KCNH6: variants seen among roughly 807,000 people sequenced by gnomAD.
KCNH6 encodes potassium voltage-gated channel subfamily H member 6.
KCNH6 carries 81 observed loss-of-function variants against 83.4 expected under a neutral mutation model. The observed-to-expected ratio is 0.97, with a 90% confidence interval of 0.81 to 1.17. The LOEUF (loss-of-function observed/expected upper bound fraction) is 1.17, where lower values mean the gene tolerates loss of function less well. Among genes scored for constraint, KCNH6 ranks in the 50% most tolerant of loss-of-function variants. The probability of loss-of-function intolerance (pLI) is 0.00; values close to 1 mark genes in which losing one functional copy is unlikely to be tolerated. For missense variants in KCNH6, 1,203 were observed against 1,290.5 expected, an observed-to-expected ratio of 0.93 and a Z score of 1.04; for synonymous variants, 503 against 545.6, an observed-to-expected ratio of 0.92 and a Z score of 1.09.
Position 63,534,043 on chromosome 17 carries a change from C to T in KCNH6, c.833C>T (p.Ala278Val), listed in dbSNP as rs1474241122. Residue 278 changes from alanine (A) to valine (V), a missense_variant, in exon 5 of 13, where the codon GCC (alanine) becomes GTC (valine). Transcript: ENST00000314672. The surrounding 1 kb of genome is among the most constrained non-coding windows in gnomAD (Gnocchi z 5.0). ...ACGGCTGTCTTCACGCCCTACTCAG[C>T]CGCCTTCCTGCTCAGCGATCAGGAC... ...IYTAVFTPYS[A>V]AFLLSDQDES... 1 of 1,614,192 alleles carries T rather than the reference C, an allele frequency of 6.2e-7. No homozygotes were observed. The highest frequency in any genetic ancestry group is 2.2e-5 in the East Asian group (1 of 44,886).
Position 63,538,494 on chromosome 17 carries a change from A to G in KCNH6, c.1786A>G (p.Ser596Gly). The change falls in exon 8 of 13, where the codon AGC (serine) becomes GGC (glycine). Residue 596 changes from serine (S) to glycine (G), a missense_variant. Transcript: ENST00000314672. The surrounding 1 kb of genome is among the most constrained non-coding windows in gnomAD (Gnocchi z 4.0). ...ACTGCTGCAGCACTGCCCAGCTTTCAGCGGCGCCGGCAAGGGCTGCCTGCG... is the reference window on the plus strand; with the variant it reads ...ACTGCTGCAGCACTGCCCAGCTTTCGGCGGCGCCGGCAAGGGCTGCCTGCG... Reference protein sequence around the residue: ...RALLQHCPAFSGAGKGCLRAL... With the variant: ...RALLQHCPAFGGAGKGCLRAL... 6.2e-7 allele frequency: 1 copy of G among 1,603,092 alleles called. No homozygotes were observed. The highest frequency in any genetic ancestry group is 8.5e-7 in the Non-Finnish European group (1 of 1,175,454).
chr17:63,537,022 C>A (rs2147692160), intron 6 of KCNH6, among the ~76,000 whole-genome samples: 1 of 150,068 alleles, frequency 6.7e-6, no homozygotes, highest in South Asian at 2.1e-4. Context: ...AAATGCAGGG[C>A]TCTTAGCATG....
At position 63,545,990 on chromosome 17, in the gene KCNH6, G is replaced by A. The variant is rs141118688; in HGVS notation, c.*88G>A. 53,587 of 1,283,396 alleles carry A rather than the reference G, an allele frequency of 0.042. 1,379 individuals carry two copies. The highest frequency in any genetic ancestry group is 0.05 in the Non-Finnish European group (46,043 of 917,716). The allele number at this position is 1,283,396 out of a possible 1,614,324, so 79.5% of individuals were successfully genotyped here. ...GGGAGGTGGCCGGGTGCAGTGGCTC[G>A]CCTGTAATCCCAGCACTTTGGGAGG... On this transcript the variant is annotated 3_prime_UTR_variant, in exon 13 of 13. Coordinates refer to ENST00000314672, the MANE Select transcript of KCNH6 (RefSeq NM_001278919.2).
Position 63,534,595 on chromosome 17 carries a change from C to G in KCNH6, c.1101+284C>G, listed in dbSNP as rs1431813890. 6.6e-6 allele frequency among the ~76,000 whole-genome samples: 1 copy of G among 152,008 alleles called. No homozygotes were observed. The highest frequency in any genetic ancestry group is 1.5e-5 in the Non-Finnish European group (1 of 67,976). ...TCCAGGATGGGCACTCGTGTGGTCC[C>G]GGCCCCTCATGCTGACTTCCAAACT... On this transcript the variant is annotated intron_variant, in intron 5 of 12. Transcript: ENST00000314672. This position sits in a 1 kb window ranked among gnomAD's most constrained non-coding sequence, Gnocchi z 5.0.
chr17:63,545,578 G>A (rs772728422), intron 12 of KCNH6, 31 bp from the exon 13 acceptor site: 3 of 1,596,032 alleles, frequency 1.9e-6, no homozygotes, highest in Non-Finnish European at 1.7e-6. Flanking sequence ...AGCCTGGCCT[G>A]GGGTGCATCC....
At position 63,543,633 on chromosome 17, in the gene KCNH6, G is replaced by A. The variant is rs150764715; in HGVS notation, c.2206G>A (p.Gly736Ser). 2.1e-5 allele frequency: 34 copies of A among 1,613,022 alleles called. No individual in the cohort carries two copies. In the African/African-American group the frequency reaches 4.3e-4, roughly 20 times the overall value. The change falls in exon 10 of 13, where the codon GGT (glycine) becomes AGT (serine). Residue 736 changes from glycine to serine, a missense_variant. Coordinates refer to ENST00000314672, the MANE Select transcript of KCNH6 (RefSeq NM_001278919.2). ...GGCTCCTGGCAGCCAAGACCACCAA[G>A]GTTTCTTTCTCAGTGACAACCAGTC... ...RQAPGSQDHQ[G>S]FFLSDNQSDA...
At chr17:63,544,487 C>T (rs2033048740) in intron 11 of KCNH6, 76 bp downstream of exon 11, 4 of 1,337,364 alleles carry the variant, frequency 3.0e-6, no homozygotes, top group East Asian at 2.7e-5. Flanking sequence ...TCACAGGGTG[C>T]CAGGTGGGTT....
In KCNH6 at chr17:63,545,982, A is replaced by C; in HGVS notation, c.*80A>C. The C allele has an allele frequency of 4.3e-6, 6 of 1,380,782 alleles. No homozygotes were observed. Among genetic ancestry groups the C allele is most frequent in the Non-Finnish European group, 6.0e-6 (6 of 998,520 alleles). 85.5% of individuals were successfully genotyped at this position (1,380,782 alleles called of 1,614,324 possible). A position where few individuals can be genotyped will look rare whatever the true frequency, so the allele number is the denominator to read the frequency against. On this transcript the variant is annotated 3_prime_UTR_variant, in exon 13 of 13. Transcript: ENST00000314672. Reference sequence around the variant, plus strand: ...GGATCTTGGGGAGGTGGCCGGGTGCAGTGGCTCGCCTGTAATCCCAGCACT... The same window carrying C: ...GGATCTTGGGGAGGTGGCCGGGTGCCGTGGCTCGCCTGTAATCCCAGCACT...
Position 63,524,212 on chromosome 17 carries a change from A to G in KCNH6, c.150A>G (p.Glu50=). ...TTTACTGCAACGACGGCTTCTGCGA[A>G]CTCTTCGGCTACTCCCGAGTGGAGG... ...AIIYCNDGFC[E]LFGYSRVEVM... The change falls in exon 2 of 13, where the codon GAA becomes GAG. Residue 50 remains glutamate, a synonymous_variant. Transcript: ENST00000314672. The G allele has an allele frequency of 6.2e-7, 1 of 1,613,936 alleles. No homozygotes were observed. Among genetic ancestry groups the G allele is most frequent in the Non-Finnish European group, 8.5e-7 (1 of 1,179,968 alleles).
In KCNH6 at chr17:63,542,035, G is replaced by A. The variant is rs191064500; in HGVS notation, c.1955-206G>A. Among the ~76,000 whole-genome samples the A allele has an allele frequency of 1.1e-4, 17 of 152,210 alleles. 1 individual carries two copies. In the East Asian group the frequency reaches 1.2e-3, roughly 10 times the overall value. On this transcript the variant is annotated intron_variant, in intron 8 of 12. Coordinates refer to ENST00000314672, the MANE Select transcript of KCNH6 (RefSeq NM_001278919.2). ...GAGCCACACGCCGGATCTCTGTGCC[G>A]CTCAAAGGACACAGGAAGAGAACAG... is the stretch of plus-strand genomic sequence containing the variant.
Position 63,534,381 on chromosome 17 carries a change from G to T in KCNH6, c.1101+70G>T. On this transcript the variant is annotated intron_variant, in intron 5 of 12. Coordinates refer to ENST00000314672, the MANE Select transcript of KCNH6 (RefSeq NM_001278919.2). The surrounding 1 kb of genome is among the most constrained non-coding windows in gnomAD (Gnocchi z 5.0). ...ACGCTGGCCTCAAGCCCTCCCTGCT[G>T]CACAGCACTGGGTGCGGAGAGTATC... is the stretch of plus-strand genomic sequence containing the variant. 1.4e-6 allele frequency: 2 copies of T among 1,437,556 alleles called. No homozygotes were observed. The highest frequency in any genetic ancestry group is 1.9e-6 in the Non-Finnish European group (2 of 1,051,038). The allele number at this position is 1,437,556 out of a possible 1,614,324, so 89.1% of individuals were successfully genotyped here.
chr17:63,538,460 G>A lies in KCNH6; in HGVS notation c.1752G>A (p.Leu584=), dbSNP rs1425728918. ...ECLQADICLH[L]HRALLQHCPA... ...TGCAGGCTGACATCTGCCTGCACCT[G>A]CACCGCGCACTGCTGCAGCACTGCC... The change falls in exon 8 of 13, where the codon CTG becomes CTA. Residue 584 remains leucine (L), a synonymous_variant. Transcript: ENST00000314672. This position sits in a 1 kb window ranked among gnomAD's most constrained non-coding sequence, Gnocchi z 4.0. 1.2e-6 allele frequency: 2 copies of A among 1,604,298 alleles called. No individual in the cohort carries two copies.
Position 63,530,259 on chromosome 17 carries a change from C to T in KCNH6, c.469+7C>T. ...CAGAGCTTCCTGGGCTCCGGTGAGG[C>T]AGAGTGAGGGTGGTGGTGGGAGGGA... On this transcript the variant is annotated splice_region_variant and intron_variant, in intron 3 of 12. Coordinates refer to ENST00000314672, the MANE Select transcript of KCNH6 (RefSeq NM_001278919.2). 6.2e-7 allele frequency: 1 copy of T among 1,613,902 alleles called. No individual in the cohort carries two copies. The highest frequency in any genetic ancestry group is 8.5e-7 in the Non-Finnish European group (1 of 1,179,816).
At position 63,543,565 on chromosome 17, in the gene KCNH6, C is replaced by T; in HGVS notation, c.2149-11C>T. On this transcript the variant is annotated splice_polypyrimidine_tract_variant and intron_variant, in intron 9 of 12. Transcript: ENST00000314672. The stretch of plus-strand genomic sequence containing the variant: ...TGGTTCCTGTTATTTCACCCTCTTG[C>T]TTCCCATAAGGCAGCCGGGGGTCTC... 6.3e-7 allele frequency: 1 copy of T among 1,594,876 alleles called. No individual in the cohort carries two copies. Among genetic ancestry groups the T allele is most frequent in the Non-Finnish European group, 8.6e-7 (1 of 1,162,870 alleles).
intron 4 of KCNH6, among the ~76,000 whole-genome samples, chr17:63,530,808 T>TA: frequency 6.6e-6 from 1 of 152,270 alleles, no homozygotes; most frequent in East Asian, 1.9e-4. Context: ...TGCCACCTCC[T>TA]AGGCCTGGAG....
intron 2 of KCNH6, among the ~76,000 whole-genome samples, chr17:63,527,440 C>T (rs1488583606): frequency 2.0e-5 from 3 of 152,114 alleles, no homozygotes; most frequent in Non-Finnish European, 2.9e-5. Flanking sequence ...GGAAACTGAA[C>T]GAAGGAGCAC....
Position 63,538,140 on chromosome 17 carries a change from A to T in KCNH6, c.1577A>T (p.His526Leu). The T allele has an allele frequency of 6.2e-7, 1 of 1,614,058 alleles. No individual in the cohort carries two copies. The highest frequency in any genetic ancestry group is 8.5e-7 in the Non-Finnish European group (1 of 1,179,982). Residue 526 changes from histidine (H) to leucine (L), a missense_variant, in exon 7 of 13, where the codon CAC (histidine) becomes CTC (leucine). Transcript: ENST00000314672. This position sits in a 1 kb window ranked among gnomAD's most constrained non-coding sequence, Gnocchi z 4.0. ...QRLYSGTARYHTQMLRVKEFI... is the reference protein window; with the variant it reads ...QRLYSGTARYLTQMLRVKEFI... ...CTGTACTCGGGCACCGCGCGCTACC[A>T]CACGCAGATGCTGCGTGTCAAGGAG...
intron 2 of KCNH6, 76 bp from the exon 3 acceptor site, chr17:63,530,015 C>A: frequency 6.6e-7 from 1 of 1,512,562 alleles, no homozygotes; most frequent in Non-Finnish European, 9.0e-7. Flanking sequence ...CTTCACTCAG[C>A]CCCTTCCCTA....
Position 63,542,334 on chromosome 17 carries a change from AC to A in KCNH6, c.2049del (p.His683GlnfsTer68), listed in dbSNP as rs1357572981. 1.5e-5 allele frequency: 24 copies of A among 1,614,016 alleles called. No homozygotes were observed. The highest frequency in any genetic ancestry group is 1.9e-5 in the Non-Finnish European group (22 of 1,180,044). ...CGGGCTCTGACCTACTGCGACCTGCACAAGATCCAGCGGGCAGATCTGCTGG... is the reference window on the plus strand; with the variant it reads ...CGGGCTCTGACCTACTGCGACCTGCAAAGATCCAGCGGGCAGATCTGCTGG... Reference protein sequence around the residue: ...DVRALTYCDLHKIQRADLLEV... With the variant: ...DVRALTYCDLXKIQRADLLEV... On this transcript the variant is annotated frameshift_variant, in exon 9 of 13. Transcript: ENST00000314672. LOFTEE classifies it high-confidence loss of function.
Sources: gnomAD v4.1 joint callset for allele counts (sites outside exome capture counted in the v4.1 genomes callset) on GRCh38, gnomAD v4.1.1 for gene constraint, Gnocchi (gnomAD v3.1) non-coding constraint, MANE v1.5 for transcripts, NCBI Gene and HGNC (gene_info 2026-07-23, HGNC 2026-07-21) for gene names.